Variants in CRTAM observed in about 807,000 individuals in gnomAD.
CRTAM encodes cytotoxic and regulatory T cell molecule, also known as cytotoxic and regulatory T-cell molecule.
Under a neutral mutation model 50.0 loss-of-function variants are expected in CRTAM, and 44 were observed. The observed-to-expected ratio is 0.88, with a 90% CI of 0.69 to 1.13. CRTAM has a LOEUF of 1.13. Ranked by LOEUF, CRTAM falls within the 50% of genes most tolerant of loss-of-function variation. CRTAM has a pLI of 0.00. For synonymous variants in CRTAM, 159 were observed against 169.3 expected (o/e 0.94, Z 0.47); for missense variants, 448 against 457.5 (o/e 0.98, Z 0.19).
intron 5 of CRTAM, among the ~76,000 whole-genome samples, chr11:122,857,958 T>A (rs900088377): frequency 7.2e-5 from 11 of 152,238 alleles, no homozygotes; most frequent in Admixed American, 6.5e-4. Flanking sequence ...TCACCAAAGC[T>A]GGAGTGCAGT....
intron 6 of CRTAM, among the ~76,000 whole-genome samples, chr11:122,864,008 T>C (rs1422492655): frequency 6.6e-6 from 1 of 152,134 alleles, no homozygotes; most frequent in African/African-American, 2.4e-5. Flanking sequence ...AACCACACAG[T>C]TTCTGATTTT....
chr11:122,841,126 C>G (rs1049783831), intron 1 of CRTAM, among the ~76,000 whole-genome samples: 1 of 152,126 alleles, frequency 6.6e-6, no homozygotes, highest in African/African-American at 2.4e-5. Context: ...TAAAAATATT[C>G]CGATTCTGAC....
At chr11:122,858,165 G>A (rs1204837329) in intron 5 of CRTAM, among the ~76,000 whole-genome samples, 1 of 152,012 alleles carries the variant, frequency 6.6e-6, no homozygotes, top group African/African-American at 2.4e-5. Flanking sequence ...CTCCCTCTTT[G>A]GCCTCCCAAA....
Position 122,867,567 on chromosome 11 carries a change from G to C in CRTAM, c.964+12G>C. The C allele has an allele frequency of 6.2e-7, 1 of 1,610,186 alleles. No individual in the cohort carries two copies. The highest frequency in any genetic ancestry group is 8.5e-7 in the Non-Finnish European group (1 of 1,177,936). ...GATATGGAAGAAAGGTCAGTGGGCAGGGAACCTGACGGGGGCTATAAGACG... is the reference window on the plus strand; with the variant it reads ...GATATGGAAGAAAGGTCAGTGGGCACGGAACCTGACGGGGGCTATAAGACG... On this transcript the variant is annotated intron_variant, in intron 8 of 9. Coordinates refer to ENST00000227348, the MANE Select transcript of CRTAM (RefSeq NM_019604.4).
chr11:122,846,306 TATTTA>T (rs1164497563), intron 1 of CRTAM, among the ~76,000 whole-genome samples: 3 of 152,182 alleles, frequency 2.0e-5, no homozygotes, highest in African/African-American at 7.2e-5. Context: ...AACATATTAT[TATTTA>T]ATTTAATTTA....
chr11:122,863,300 GAGAA>G lies in CRTAM; in HGVS notation c.733+762_733+765del, dbSNP rs1249662701. On this transcript the variant is annotated intron_variant, in intron 6 of 9. Transcript: ENST00000227348. The stretch of plus-strand genomic sequence containing the variant: ...AGAAAGAAAGAAAAAGAAAGAAAGA[GAGAA>G]AGAAAAGAAAGAAAGAAAAAGAAAG... Among the ~76,000 whole-genome samples the G allele has an allele frequency of 2.7e-3, 332 of 122,870 alleles. 6 individuals are homozygous for G. Among genetic ancestry groups the G allele is most frequent in the Non-Finnish European group, 2.1e-3 (122 of 58,818 alleles). 80.6% of individuals were successfully genotyped at this position (122,870 alleles called of 152,430 possible).
rs1289695475 is a variant in CRTAM at position 122,838,669 on chromosome 11, T to C, written c.46+77T>C. On this transcript the variant is annotated intron_variant, in intron 1 of 9. Transcript: ENST00000227348. The stretch of plus-strand genomic sequence containing the variant: ...CACATCTACCTATCAGTCAGTCAAC[T>C]GCATTTACAGAGGAGCTGCTGTAGA... 3.6e-6 allele frequency: 5 copies of C among 1,377,670 alleles called. No homozygotes were observed. The African/African-American group carries it at 5.7e-5, about 16-fold the overall frequency. 85.3% of individuals were successfully genotyped at this position (1,377,670 alleles called of 1,614,324 possible). A position where few individuals can be genotyped will look rare whatever the true frequency, so the allele number is the denominator to read the frequency against.
chr11:122,871,289 A>G lies in CRTAM; in HGVS notation c.1072A>G (p.Met358Val). ...NGQSSHPMRC[M>V]NYITKLYSEA... ...TTCAGCTTCCCACCCTATGCGTTGC[A>G]TGAACTACATCACAAAGTTGTACTC... Residue 358 changes from methionine (M) to valine (V), a missense_variant, in exon 10 of 10, where the codon ATG becomes GTG. Transcript: ENST00000227348. 1.9e-6 allele frequency: 3 copies of G among 1,613,558 alleles called. No individual in the cohort carries two copies. The highest frequency in any genetic ancestry group is 1.7e-5 in the Admixed American group (1 of 59,970).
Position 122,871,278 on chromosome 11 carries a change from C to T in CRTAM, c.1061C>T (p.Pro354Leu). 1 of 1,612,552 alleles carries T rather than the reference C, an allele frequency of 6.2e-7. No individual in the cohort carries two copies. The highest frequency in any genetic ancestry group is 8.5e-7 in the Non-Finnish European group (1 of 1,179,302). ...CATGTTTTTCTTTCAGCTTCCCACC[C>T]TATGCGTTGCATGAACTACATCACA... ...SEEKNGQSSH[P>L]MRCMNYITKL... Residue 354 changes from proline (P) to leucine (L), a missense_variant, in exon 10 of 10, where the codon CCT becomes CTT. By Grantham distance (98) the Pro-to-Leu change is moderately conservative. Coordinates refer to ENST00000227348, the MANE Select transcript of CRTAM (RefSeq NM_019604.4).
intron 4 of CRTAM, among the ~76,000 whole-genome samples, chr11:122,854,762 A>G (rs1861983094): frequency 6.6e-6 from 1 of 152,006 alleles, no homozygotes; most frequent in Non-Finnish European, 1.5e-5. Flanking sequence ...ATTGGAACAG[A>G]TATGATCTTC....
chr11:122,858,922 A>G (rs1862038428), intron 5 of CRTAM, among the ~76,000 whole-genome samples: 1 of 152,148 alleles, frequency 6.6e-6, no homozygotes, highest in South Asian at 2.1e-4. Context: ...ACAGTTCTCA[A>G]ACTTTTGATT....
intron 1 of CRTAM, among the ~76,000 whole-genome samples, chr11:122,844,152 A>G (rs911807926): frequency 2.6e-5 from 4 of 152,350 alleles, no homozygotes; most frequent in Middle Eastern, 3.4e-3. Flanking sequence ...GCAAACATTA[A>G]TCTTAAGACA....
chr11:122,860,660 C>T (rs1334593043), intron 5 of CRTAM, among the ~76,000 whole-genome samples: 1 of 152,088 alleles, frequency 6.6e-6, no homozygotes, highest in East Asian at 1.9e-4. Context: ...AGATTTAAAT[C>T]ACTATTGATA....
chr11:122,868,624 C>G (rs1424013249), intron 9 of CRTAM, among the ~76,000 whole-genome samples: 1 of 152,150 alleles, frequency 6.6e-6, no homozygotes, highest in Non-Finnish European at 1.5e-5. Context: ...CATAGACAAA[C>G]CCAAAAATAA....
In CRTAM at chr11:122,872,446, T is replaced by C. The variant is rs575799188; in HGVS notation, c.*1047T>C. On this transcript the variant is annotated 3_prime_UTR_variant, in exon 10 of 10. Transcript: ENST00000227348. ...ACCTAATGGATGGCTTTTTAAAATG[T>C]TTTAATAAAAAGCAGAATAGATGTT... 7 of 152,774 alleles carry C rather than the reference T, an allele frequency of 4.6e-5. No homozygotes were observed. The East Asian group carries it at 1.2e-3, about 25-fold the overall frequency. The allele number at this position is 152,774 out of a possible 1,614,324, so 9.5% of individuals were successfully genotyped here. A position where few individuals can be genotyped will look rare whatever the true frequency, so the allele number is the denominator to read the frequency against.
chr11:122,863,347 A>AAGAAAGAAAGAAAGAGAAAGAAAG (rs1565292766), intron 6 of CRTAM, among the ~76,000 whole-genome samples: 2 of 117,420 alleles, frequency 1.7e-5, no homozygotes, highest in African/African-American at 6.3e-5. Flanking sequence ...GAAAGAAAGA[A>AAGAAAGAAAGAAAGAGAAAGAAAG]AGAAAAAGAA....
chr11:122,842,751 T>C (rs1006009658), intron 1 of CRTAM, among the ~76,000 whole-genome samples: 1 of 152,202 alleles, frequency 6.6e-6, no homozygotes, highest in African/African-American at 2.4e-5. Flanking sequence ...AAGGATGTTT[T>C]GGAGAAAGAA....
At chr11:122,843,707 T>C (rs1164734576) in intron 1 of CRTAM, among the ~76,000 whole-genome samples, 2 of 152,156 alleles carry the variant, frequency 1.3e-5, no homozygotes, top group African/African-American at 4.8e-5. Context: ...ACTCCAAACT[T>C]AGGTGAAAGA....
intron 1 of CRTAM, among the ~76,000 whole-genome samples, chr11:122,845,764 G>C (rs1206064038): frequency 6.6e-6 from 1 of 152,014 alleles, no homozygotes; most frequent in Non-Finnish European, 1.5e-5. Flanking sequence ...GTATAGGATA[G>C]TAGCTGGAAG....
Sources: gnomAD v4.1 joint callset for allele counts (sites outside exome capture counted in the v4.1 genomes callset) on GRCh38, gnomAD v4.1.1 for gene constraint, MANE v1.5 for transcripts, NCBI Gene and HGNC (gene_info 2026-07-23, HGNC 2026-07-21) for gene names.